The following WWOX variants were observed in gnomAD, a reference collection of about 807,000 sequenced individuals.
WWOX encodes WW domain-containing oxidoreductase.
A neutral mutation model predicts 46.2 loss-of-function variants in WWOX; 69 were observed. That is an observed-to-expected ratio of 1.49 (90% CI 1.23 to 1.82). WWOX has a LOEUF of 1.82. Among genes scored for constraint, WWOX ranks in the 40% most tolerant of loss-of-function variants. The pLI, the probability that WWOX is intolerant of heterozygous loss-of-function variation, is 0.00. For synonymous variants in WWOX, 359 were observed against 202.6 expected (o/e 1.77, Z -6.56); for missense variants, 919 against 542.6 (o/e 1.69, Z -6.89).
intron 8 of WWOX, among the ~76,000 whole-genome samples, chr16:78,647,331 GA>G (rs1203855567): frequency 6.6e-6 from 1 of 152,190 alleles, no homozygotes; most frequent in Non-Finnish European, 1.5e-5. Context: ...AGGAGTAACT[GA>G]GCTGCAGACC....
chr16:78,165,766 G>A (rs1450209299), intron 5 of WWOX, among the ~76,000 whole-genome samples: 1 of 152,128 alleles, frequency 6.6e-6, no homozygotes, highest in Non-Finnish European at 1.5e-5. Flanking sequence ...TAAAGAAAAG[G>A]AAGATTTATT....
In WWOX at chr16:78,784,727, T is replaced by C. The variant is rs78850154; in HGVS notation, c.1056+351975T>C. 8.5e-5 allele frequency among the ~76,000 whole-genome samples: 13 copies of C among 152,284 alleles called. No individual in the cohort carries two copies. The East Asian group carries it at 2.3e-3, about 27-fold the overall frequency. ...GCCCCCAGTCAGGTGGTTGATGAGTTGGGGAGCCTGGTGGGCAGTCTGGAA... is the reference window on the plus strand; with the variant it reads ...GCCCCCAGTCAGGTGGTTGATGAGTCGGGGAGCCTGGTGGGCAGTCTGGAA... On this transcript the variant is annotated intron_variant, in intron 8 of 8. Coordinates refer to ENST00000566780, the MANE Select transcript of WWOX (RefSeq NM_016373.4).
chr16:78,630,884 C>G (rs1047249876), intron 8 of WWOX, among the ~76,000 whole-genome samples: 11 of 55,508 alleles, frequency 2.0e-4, no homozygotes, highest in South Asian at 1.3e-3. Context: ...CAGCCCCCCT[C>G]TCTCTGGGTT....
At chr16:78,186,647 C>G (rs2035714409) in intron 5 of WWOX, among the ~76,000 whole-genome samples, 1 of 152,118 alleles carries the variant, frequency 6.6e-6, no homozygotes, top group African/African-American at 2.4e-5. Context: ...TGCCTGTAAT[C>G]CCAGCTACTG....
intron 4 of WWOX, among the ~76,000 whole-genome samples, chr16:78,125,084 T>A (rs920750488): frequency 2.0e-5 from 3 of 152,222 alleles, no homozygotes; most frequent in Non-Finnish European, 2.9e-5. Flanking sequence ...TTTTTACCCT[T>A]ACCTCTACAA....
chr16:78,661,387 A>G (rs928608130), intron 8 of WWOX, among the ~76,000 whole-genome samples: 7 of 152,140 alleles, frequency 4.6e-5, no homozygotes, highest in Non-Finnish European at 7.4e-5. Context: ...GTGTAGTCCA[A>G]TCCCTAAGCT....
intron 8 of WWOX, among the ~76,000 whole-genome samples, chr16:78,628,977 A>G (rs1241555379): frequency 6.6e-6 from 1 of 152,186 alleles, no homozygotes; most frequent in African/African-American, 2.4e-5. Context: ...ATTACTTTCC[A>G]TTCTCAGGTC....
At chr16:78,918,466 T>C (rs2045303328) in intron 8 of WWOX, among the ~76,000 whole-genome samples, 1 of 152,128 alleles carries the variant, frequency 6.6e-6, no homozygotes, top group African/African-American at 2.4e-5. Context: ...TTGGTTGTTC[T>C]CGGTTTCAGG....
intron 8 of WWOX, among the ~76,000 whole-genome samples, chr16:78,969,252 GCT>G (rs202162858): frequency 1.3e-5 from 2 of 148,450 alleles, no homozygotes; most frequent in East Asian, 2.0e-4. Flanking sequence ...TTGCCACCCT[GCT>G]CTCTCTCTCT....
intron 8 of WWOX, among the ~76,000 whole-genome samples, chr16:78,824,163 T>C (rs534888724): frequency 6.1e-4 from 93 of 152,344 alleles, no homozygotes; most frequent in African/African-American, 2.2e-3. Flanking sequence ...AAACGATCTT[T>C]AGAAATATAT....
Position 78,100,141 on chromosome 16 carries a change from G to T in WWOX, c.107+256G>T, listed in dbSNP as rs544922004. 1.9e-5 allele frequency: 25 copies of T among 1,326,322 alleles called. No homozygotes were observed. In the South Asian group the frequency reaches 4.5e-4, roughly 24 times the overall value. 82.2% of individuals were successfully genotyped at this position (1,326,322 alleles called of 1,614,324 possible). On this transcript the variant is annotated intron_variant, in intron 1 of 8. Transcript: ENST00000566780. ...TGTTCAGGATGCAGCACTGCGCGGCGCGGCGAGGGCAAAGCGGCCTCATCC... is the reference window on the plus strand; with the variant it reads ...TGTTCAGGATGCAGCACTGCGCGGCTCGGCGAGGGCAAAGCGGCCTCATCC...
At chr16:78,186,045 C>T (rs2035691661) in intron 5 of WWOX, among the ~76,000 whole-genome samples, 1 of 152,148 alleles carries the variant, frequency 6.6e-6, no homozygotes, top group Non-Finnish European at 1.5e-5. Context: ...CCATGTGTGG[C>T]AGTTGAGTGC....
At chr16:78,994,632 A>T (rs2046951529) in intron 8 of WWOX, among the ~76,000 whole-genome samples, 1 of 152,202 alleles carries the variant, frequency 6.6e-6, no homozygotes, top group Non-Finnish European at 1.5e-5. Context: ...GAATAAAAGA[A>T]TTCTCTATGA....
At chr16:78,605,016 C>T (rs1307158176) in intron 8 of WWOX, among the ~76,000 whole-genome samples, 9 of 129,914 alleles carry the variant, frequency 6.9e-5, no homozygotes, top group Non-Finnish European at 1.1e-4. Flanking sequence ...CTTTTTCCCT[C>T]CCTCTCTCCC....
At chr16:78,832,076 G>T (rs1329602353) in intron 8 of WWOX, among the ~76,000 whole-genome samples, 2 of 152,152 alleles carry the variant, frequency 1.3e-5, no homozygotes, top group Non-Finnish European at 2.9e-5. Flanking sequence ...TTGTCTTTGT[G>T]GGTCAGGAAT....
At chr16:78,395,105 C>T (rs751201732) in intron 6 of WWOX, among the ~76,000 whole-genome samples, 14 of 152,182 alleles carry the variant, frequency 9.2e-5, no homozygotes, top group Admixed American at 3.3e-4. Flanking sequence ...GTAAAATGAT[C>T]TTAGAAAGGT....
chr16:78,200,920 G>T (rs1385102361), intron 5 of WWOX, among the ~76,000 whole-genome samples: 4 of 152,188 alleles, frequency 2.6e-5, no homozygotes, highest in Non-Finnish European at 4.4e-5. Flanking sequence ...GTGCACAGCA[G>T]ACGGCAAACA....
At chr16:79,035,318 G>A (rs984237116) in intron 8 of WWOX, among the ~76,000 whole-genome samples, 16 of 152,114 alleles carry the variant, frequency 1.1e-4, no homozygotes, top group African/African-American at 3.6e-4. Flanking sequence ...TCCAATGGGA[G>A]GCAAATCCAG....
chr16:78,623,876 A>G (rs1158724005), intron 8 of WWOX, among the ~76,000 whole-genome samples: 1 of 152,234 alleles, frequency 6.6e-6, no homozygotes, highest in Non-Finnish European at 1.5e-5. Flanking sequence ...CTACAGAGTC[A>G]CATATTGTAT....
Sources: allele counts gnomAD v4.1 joint callset (sites outside exome capture counted in the v4.1 genomes callset), GRCh38; gene constraint gnomAD v4.1.1; transcripts MANE v1.5; gene names NCBI Gene and HGNC (gene_info 2026-07-23, HGNC 2026-07-21).